Variants in REEP1 observed in about 807,000 individuals in gnomAD.
REEP1 encodes receptor accessory protein 1.
A neutral mutation model predicts 40.3 loss-of-function variants in REEP1; 22 were observed. The ratio of observed to expected loss-of-function variants is 0.55; its 90% CI spans 0.39 to 0.78. REEP1 has a LOEUF of 0.78. Among genes scored for constraint, REEP1 ranks in the 30% least tolerant of loss-of-function variants. The probability of loss-of-function intolerance (pLI) is 0.00; values close to 1 mark genes in which losing one functional copy is unlikely to be tolerated. For missense variants in REEP1, 280 were observed against 361.1 expected (o/e 0.78, Z 1.82); for synonymous variants, 116 against 139.2 (o/e 0.83, Z 1.17).
intron 1 of REEP1, among the ~76,000 whole-genome samples, chr2:86,335,561 G>C (rs1264894169): frequency 6.6e-6 from 1 of 150,724 alleles, no homozygotes; most frequent in Non-Finnish European, 1.5e-5. Flanking sequence ...TTGTAAAAAA[G>C]GGGGAGGAGC....
chr2:86,214,443 C>T lies in REEP1; in HGVS notation c.*2596G>A, dbSNP rs1369909398. 6.5e-6 allele frequency: 1 copy of T among 152,692 alleles called. No homozygotes were observed. Among genetic ancestry groups the T allele is most frequent in the African/African-American group, 2.4e-5 (1 of 41,466 alleles). The allele number at this position is 152,692 out of a possible 1,614,324, so 9.5% of individuals were successfully genotyped here. On this transcript the variant is annotated 3_prime_UTR_variant, in exon 9 of 9. Coordinates refer to ENST00000538924, the MANE Select transcript of REEP1 (RefSeq NM_001371279.1). ...TAAGCACAAGTCCACATCTCACCTC[C>T]TCAGAACAGGTGCTCAATGGCAATT...
chr2:86,255,771 C>T (rs947666147), intron 3 of REEP1, among the ~76,000 whole-genome samples: 1 of 152,144 alleles, frequency 6.6e-6, no homozygotes, highest in African/African-American at 2.4e-5. Flanking sequence ...TGCTAGCCCA[C>T]GTGGTGCCTT....
chr2:86,332,978 CTG>C (rs773228965), intron 1 of REEP1, among the ~76,000 whole-genome samples: 19 of 152,212 alleles, frequency 1.2e-4, no homozygotes, highest in Non-Finnish European at 2.8e-4. Flanking sequence ...GCCCTTAGGA[CTG>C]TGATAGTGAG....
chr2:86,328,626 C>T (rs1280994021), intron 1 of REEP1, among the ~76,000 whole-genome samples: 1 of 152,168 alleles, frequency 6.6e-6, no homozygotes, highest in Non-Finnish European at 1.5e-5. Context: ...CTGCAGTGAG[C>T]CAAGATGGTG....
At chr2:86,250,653 C>T (rs537665197) in intron 5 of REEP1, among the ~76,000 whole-genome samples, 1 of 152,216 alleles carries the variant, frequency 6.6e-6, no homozygotes, top group South Asian at 2.1e-4. Context: ...CATGGAGTGG[C>T]GGGATACCTA....
chr2:86,286,461 AG>A (rs2104412118), intron 1 of REEP1, among the ~76,000 whole-genome samples: 1 of 152,278 alleles, frequency 6.6e-6, no homozygotes, highest in East Asian at 1.9e-4. Flanking sequence ...TTTCTAGACT[AG>A]TGTGCTGTTT....
intron 3 of REEP1, among the ~76,000 whole-genome samples, chr2:86,259,073 C>T (rs769321230): frequency 2.6e-5 from 4 of 151,970 alleles, no homozygotes; most frequent in Non-Finnish European, 4.4e-5. Context: ...TTTGGGAGGC[C>T]GAGGTGGGCG....
chr2:86,216,650 G>A lies in REEP1; in HGVS notation c.*389C>T, dbSNP rs530357858. 1 of 175,470 alleles carries A rather than the reference G, an allele frequency of 5.7e-6. No homozygotes were observed. Among genetic ancestry groups the A allele is most frequent in the East Asian group, 1.4e-4 (1 of 6,992 alleles). The allele number at this position is 175,470 out of a possible 1,614,324, so 10.9% of individuals were successfully genotyped here. A position where few individuals can be genotyped will look rare whatever the true frequency, so the allele number is the denominator to read the frequency against. On this transcript the variant is annotated 3_prime_UTR_variant, in exon 9 of 9. Coordinates refer to ENST00000538924, the MANE Select transcript of REEP1 (RefSeq NM_001371279.1). ...CAAAGAAAGTTGTAAAAAATGCTGT[G>A]TTTGCATTTACAGGACTAAAAACTA...
At chr2:86,217,549 A>T (rs1674183800) in intron 8 of REEP1, among the ~76,000 whole-genome samples, 1 of 152,122 alleles carries the variant, frequency 6.6e-6, no homozygotes, top group African/African-American at 2.4e-5. Context: ...CCCTTTCTGG[A>T]TGAGAAACCT....
At chr2:86,332,809 T>C (rs1477272884) in intron 1 of REEP1, among the ~76,000 whole-genome samples, 1 of 152,206 alleles carries the variant, frequency 6.6e-6, no homozygotes, top group Non-Finnish European at 1.5e-5. Context: ...TCCTTGAGGA[T>C]ACTCCTCCTG....
chr2:86,289,770 C>A (rs2104422649), intron 1 of REEP1, among the ~76,000 whole-genome samples: 1 of 152,156 alleles, frequency 6.6e-6, no homozygotes, highest in African/African-American at 2.4e-5. Context: ...TACTGCTAGG[C>A]ACTTTAGGTT....
chr2:86,287,602 T>C (rs1678464677), intron 1 of REEP1, among the ~76,000 whole-genome samples: 1 of 152,264 alleles, frequency 6.6e-6, no homozygotes, highest in African/African-American at 2.4e-5. Context: ...TTATCACTTT[T>C]TATGAGCATT....
At chr2:86,324,024 A>C (rs965967099) in intron 1 of REEP1, among the ~76,000 whole-genome samples, 1 of 152,210 alleles carries the variant, frequency 6.6e-6, no homozygotes, top group African/African-American at 2.4e-5. Context: ...AAATCAACTC[A>C]AGGTAGAGTA....
chr2:86,250,103 G>A (rs1676187343), intron 5 of REEP1, among the ~76,000 whole-genome samples: 3 of 152,234 alleles, frequency 2.0e-5, no homozygotes, highest in Admixed American at 1.3e-4. Context: ...CGGGTGGTTA[G>A]GGGACAGGCA....
At chr2:86,225,095 C>G (rs771218172) in intron 7 of REEP1, among the ~76,000 whole-genome samples, 1 of 152,206 alleles carries the variant, frequency 6.6e-6, no homozygotes, top group Non-Finnish European at 1.5e-5. Context: ...ACCAGGCCAG[C>G]GTCTAGTGCC....
At chr2:86,290,265 G>A (rs568889073) in intron 1 of REEP1, among the ~76,000 whole-genome samples, 11 of 152,218 alleles carry the variant, frequency 7.2e-5, no homozygotes, top group East Asian at 1.9e-4. Flanking sequence ...CAGATAAGTC[G>A]TTGCCAGGGT....
chr2:86,286,436 G>T (rs1321717992), intron 1 of REEP1, among the ~76,000 whole-genome samples: 2 of 152,144 alleles, frequency 1.3e-5, no homozygotes, highest in African/African-American at 4.8e-5. Context: ...TTGTGCCACT[G>T]CTGAGAAACC....
intron 5 of REEP1, chr2:86,251,297 G>A (rs1406191977): frequency 2.0e-5 from 3 of 153,804 alleles, no homozygotes; most frequent in Non-Finnish European, 4.3e-5. Flanking sequence ...AAGAAACACA[G>A]TTTTGAAAAG....
intron 1 of REEP1, among the ~76,000 whole-genome samples, chr2:86,297,002 C>T (rs1679017158): frequency 6.6e-6 from 1 of 152,240 alleles, no homozygotes; most frequent in Non-Finnish European, 1.5e-5. Flanking sequence ...TCTACCCCCT[C>T]CCTCAGCATC....
Sources: allele counts gnomAD v4.1 joint callset (sites outside exome capture counted in the v4.1 genomes callset), GRCh38; gene constraint gnomAD v4.1.1; transcripts MANE v1.5; gene names NCBI Gene and HGNC (gene_info 2026-07-23, HGNC 2026-07-21).